Variants in XKR9 observed in about 807,000 individuals in gnomAD.
XKR9 encodes XK-related protein 9.
In XKR9, 32 loss-of-function variants were observed where a neutral mutation model predicts 32.0. The observed-to-expected ratio is 1.00, with a 90% CI of 0.76 to 1.34. The LOEUF (loss-of-function observed/expected upper bound fraction) is 1.34, where lower values mean the gene tolerates loss of function less well. Among genes scored for constraint, XKR9 ranks in the 40% most tolerant of loss-of-function variants. XKR9 has a pLI of 0.00. For missense variants in XKR9, 546 were observed against 429.7 expected, an observed-to-expected ratio of 1.27 and a Z score of -2.39; for synonymous variants, 168 against 143.4, an observed-to-expected ratio of 1.17 and a Z score of -1.22.
At chr8:70,818,460 T>A in the XKR9 span, among the ~76,000 whole-genome samples, 2 of 152,204 alleles carry the variant, frequency 1.3e-5, no homozygotes, top group Non-Finnish European at 2.9e-5. Flanking sequence ...ATTGTAGATA[T>A]TACGACTTTT....
At chr8:70,731,571 A>G (rs1424259395) in intron 4 of XKR9, among the ~76,000 whole-genome samples, 3 of 152,168 alleles carry the variant, frequency 2.0e-5, no homozygotes, top group Non-Finnish European at 4.4e-5. Flanking sequence ...ACGTAACAAA[A>G]CAAGACACCA....
chr8:71,018,749 T>C, the XKR9 span, among the ~76,000 whole-genome samples: 217 of 152,324 alleles, frequency 1.4e-3, 1 homozygote, highest in African/African-American at 5.0e-3. Flanking sequence ...AGGGTAAGAA[T>C]AGGGAAAAAG....
downstream of XKR9, among the ~76,000 whole-genome samples, chr8:70,793,479 G>A (rs959785870): frequency 3.3e-5 from 5 of 152,066 alleles, no homozygotes; most frequent in African/African-American, 1.2e-4. Flanking sequence ...GGCCATCTTG[G>A]CACTCTGCAG....
At chr8:70,973,967 C>T in the XKR9 span, among the ~76,000 whole-genome samples, 14 of 152,130 alleles carry the variant, frequency 9.2e-5, no homozygotes, top group Non-Finnish European at 1.6e-4. Flanking sequence ...TCATCAATAT[C>T]TGTTTAGTCC....
chr8:70,778,564 T>A (rs1019262981), intron 2 of XKR9, among the ~76,000 whole-genome samples: 6 of 152,218 alleles, frequency 3.9e-5, no homozygotes, highest in African/African-American at 7.2e-5. Context: ...ATGATATTGA[T>A]TCTTCCTATC....
the XKR9 span, among the ~76,000 whole-genome samples, chr8:70,816,327 A>G: frequency 6.6e-6 from 1 of 152,218 alleles, no homozygotes; most frequent in East Asian, 1.9e-4. Flanking sequence ...TATGGAAAAC[A>G]GTATGGAGAT....
At chr8:70,876,821 T>G in the XKR9 span, among the ~76,000 whole-genome samples, 1 of 152,172 alleles carries the variant, frequency 6.6e-6, no homozygotes, top group Non-Finnish European at 1.5e-5. Context: ...TGTGTGTGTG[T>G]TTTTAATTAT....
At chr8:70,958,506 G>A in the XKR9 span, among the ~76,000 whole-genome samples, 1 of 152,114 alleles carries the variant, frequency 6.6e-6, no homozygotes, top group South Asian at 2.1e-4. Flanking sequence ...GTCTTCTTTT[G>A]ACACGTGTCT....
At chr8:70,683,958 G>T (rs13256250) in intron 3 of XKR9, among the ~76,000 whole-genome samples, 61,298 of 152,064 alleles carry the variant, frequency 0.4, 13,891 homozygotes, top group Non-Finnish European at 0.52. Flanking sequence ...GAGTAGTTAT[G>T]TTCTCTCTGC....
intron 4 of XKR9, among the ~76,000 whole-genome samples, chr8:70,728,148 A>G (rs1806538987): frequency 6.6e-6 from 1 of 152,198 alleles, no homozygotes; most frequent in East Asian, 1.9e-4. Flanking sequence ...GGAATGAACA[A>G]GGAGAGCTTG....
chr8:70,890,119 G>A, the XKR9 span, among the ~76,000 whole-genome samples: 2 of 151,844 alleles, frequency 1.3e-5, no homozygotes, highest in African/African-American at 4.8e-5. Flanking sequence ...GGTATTCTGA[G>A]TGATGTGAGA....
the XKR9 span, among the ~76,000 whole-genome samples, chr8:70,836,785 T>G: frequency 1.3e-5 from 2 of 152,110 alleles, no homozygotes. Context: ...AAATATTTAT[T>G]GGAAACCTAC....
At chr8:70,690,607 C>A (rs1819481587) in intron 3 of XKR9, among the ~76,000 whole-genome samples, 1 of 151,850 alleles carries the variant, frequency 6.6e-6, no homozygotes, top group Admixed American at 6.6e-5. Flanking sequence ...CCTCGGCCTC[C>A]CAAAGTGTTG....
At chr8:70,890,281 A>C in the XKR9 span, among the ~76,000 whole-genome samples, 2 of 151,858 alleles carry the variant, frequency 1.3e-5, no homozygotes, top group Non-Finnish European at 2.9e-5. Context: ...ACTCCTTTCC[A>C]ATTTGGATGG....
Position 70,734,515 on chromosome 8 carries a change from T to C in XKR9, c.*91T>C, listed in dbSNP as rs888409121. The C allele has an allele frequency of 1.5e-5, 20 of 1,374,364 alleles. No homozygotes were observed. In the Admixed American group the frequency reaches 6.7e-4, roughly 46 times the overall value. The allele number at this position is 1,374,364 out of a possible 1,614,324, so 85.1% of individuals were successfully genotyped here. On this transcript the variant is annotated 3_prime_UTR_variant, in exon 5 of 5. Coordinates refer to ENST00000408926, the MANE Select transcript of XKR9 (RefSeq NM_001011720.2). ...TATGTGGGTGTGTTGTCTCTTATTT[T>C]TGCCACCTTTAATTTGAAATTAGTT...
In XKR9 at chr8:70,698,244, T is replaced by C. The variant is rs1374563906; in HGVS notation, c.273-8689T>C. Among the ~76,000 whole-genome samples, 68 of 152,122 alleles carry C rather than the reference T, an allele frequency of 4.5e-4. 1 individual carries two copies. The highest frequency in any genetic ancestry group is 1.5e-3 in the African/African-American group (61 of 41,552). On this transcript the variant is annotated intron_variant, in intron 3 of 4. Coordinates refer to ENST00000408926, the MANE Select transcript of XKR9 (RefSeq NM_001011720.2). ...TCTGCTAGCTTTTGAATGTGTTTGCTCTTGCTTTTCTAGTTCTTTTAATTG... is the reference window on the plus strand; with the variant it reads ...TCTGCTAGCTTTTGAATGTGTTTGCCCTTGCTTTTCTAGTTCTTTTAATTG...
chr8:71,053,859 TCTC>T, the XKR9 span, among the ~76,000 whole-genome samples: 985 of 152,300 alleles, frequency 6.5e-3, 10 homozygotes, highest in African/African-American at 0.022. Flanking sequence ...TGCATATGCT[TCTC>T]CTCTCTTAGA....
At chr8:70,970,857 G>A in the XKR9 span, among the ~76,000 whole-genome samples, 1 of 152,172 alleles carries the variant, frequency 6.6e-6, no homozygotes. Flanking sequence ...CGGTTGGTAG[G>A]AGCGTAAATT....
chr8:70,942,775 G>A, the XKR9 span, among the ~76,000 whole-genome samples: 4 of 151,964 alleles, frequency 2.6e-5, no homozygotes, highest in African/African-American at 9.7e-5. Flanking sequence ...AATGTACACG[G>A]TACACAGAGC....
Sources: allele counts gnomAD v4.1 joint callset (sites outside exome capture counted in the v4.1 genomes callset), GRCh38; gene constraint gnomAD v4.1.1; transcripts MANE v1.5; gene names NCBI Gene and HGNC (gene_info 2026-07-23, HGNC 2026-07-21).